Variants in CHD1 observed in about 807,000 individuals in gnomAD.
CHD1 encodes ATP-dependent chromatin remodeler CHD1.
Under a neutral mutation model 224.2 loss-of-function variants are expected in CHD1, and 36 were observed. The ratio of observed to expected loss-of-function variants is 0.16; its 90% CI spans 0.12 to 0.21. The LOEUF is 0.21. CHD1 is among the 10% of genes least tolerant of loss of function. CHD1 has a pLI of 1.00. For missense variants in CHD1, 1,378 were observed against 1,994.8 expected (o/e 0.69, Z 5.89); for synonymous variants, 668 against 658.3 (o/e 1.01, Z -0.23).
intron 19 of CHD1, among the ~76,000 whole-genome samples, chr5:98,882,506 T>C (rs2112403186): frequency 6.6e-6 from 1 of 152,200 alleles, no homozygotes. Context: ...TGCAAAATTC[T>C]ATGAACTACT....
intron 2 of CHD1, among the ~76,000 whole-genome samples, chr5:98,911,146 A>AT (rs1554081078): frequency 0.03 from 1,153 of 38,908 alleles, 17 homozygotes; most frequent in South Asian, 0.053. Context: ...AAAAAAAAAA[A>AT]ATATATATAT....
intron 2 of CHD1, among the ~76,000 whole-genome samples, chr5:98,907,180 C>T (rs934342140): frequency 6.6e-6 from 1 of 152,050 alleles, no homozygotes; most frequent in African/African-American, 2.4e-5. Context: ...AGCAACAGCC[C>T]GAGGCTATGC....
At chr5:98,917,304 A>AAAAAAAAAAAAAAC (rs1488107797) in intron 2 of CHD1, among the ~76,000 whole-genome samples, 13 of 150,942 alleles carry the variant, frequency 8.6e-5, no homozygotes, top group Non-Finnish European at 1.8e-4. Flanking sequence ...AGAAACAAAA[A>AAAAAAAAAAAAAAC]AAAAAAACAA....
chr5:98,928,087 G>A (rs1264919620), intron 1 of CHD1, among the ~76,000 whole-genome samples: 2 of 151,962 alleles, frequency 1.3e-5, no homozygotes, highest in African/African-American at 2.4e-5. Context: ...CCCTCTCCCA[G>A]GGCCTCCATC....
chr5:98,885,756 A>T lies in CHD1; in HGVS notation c.2497-107T>A. The T allele has an allele frequency of 2.9e-6, 2 of 689,816 alleles. 1 individual carries two copies. Among genetic ancestry groups the T allele is most frequent in the Middle Eastern group, 7.3e-4 (2 of 2,724 alleles). The allele number at this position is 689,816 out of a possible 1,614,324, so 42.7% of individuals were successfully genotyped here. Reference sequence around the variant, plus strand: ...GAAATGTGAAGCATGTCCTTTGCTAAAACTATAATAGAAAGTACTTACTAG... The same window carrying T: ...GAAATGTGAAGCATGTCCTTTGCTATAACTATAATAGAAAGTACTTACTAG... On this transcript the variant is annotated intron_variant, in intron 17 of 35. Coordinates refer to ENST00000614616, the MANE Select transcript of CHD1 (RefSeq NM_001270.4).
At chr5:98,873,050 ACTCCTGGGTTCAAG>A (rs1165827906) in intron 26 of CHD1, among the ~76,000 whole-genome samples, 1 of 151,904 alleles carries the variant, frequency 6.6e-6, no homozygotes, top group African/African-American at 2.4e-5. Context: ...CTGGTCTCAA[ACTCCTGGGTTCAAG>A]CTAAACTCCC....
chr5:98,859,891 T>C, intron 33 of CHD1, 81 bp downstream of exon 33: 1 of 690,744 alleles, frequency 1.4e-6, no homozygotes, highest in Non-Finnish European at 2.4e-6. Context: ...TCTGTATTTA[T>C]TAATCAAACT....
At chr5:98,893,762 CATAAGTAACTCAGCACATATTCCTTCT>C (rs1561519721) in intron 13 of CHD1, among the ~76,000 whole-genome samples, 156 bp from the exon 14 acceptor site, 1 of 152,040 alleles carries the variant, frequency 6.6e-6, no homozygotes. Context: ...GATTACAATA[CATAAGTAACTCAGCACATATTCCTTCT>C]ATGACAAATT....
chr5:98,887,950 A>G (rs1432953196), intron 17 of CHD1, 138 bp downstream of exon 17: 1 of 466,000 alleles, frequency 2.1e-6, no homozygotes, highest in East Asian at 3.6e-5. Flanking sequence ...ATATTTTTTA[A>G]AGCAGATACA....
chr5:98,858,471 C>T (rs956394154), intron 34 of CHD1, 81 bp from the exon 35 acceptor site: 24 of 1,149,756 alleles, frequency 2.1e-5, no homozygotes, highest in African/African-American at 1.1e-4. Flanking sequence ...AACAAGAATT[C>T]GTTTCAACCC....
intron 21 of CHD1, 53 bp downstream of exon 21, chr5:98,881,226 T>A: frequency 7.6e-7 from 1 of 1,322,128 alleles, no homozygotes; most frequent in Non-Finnish European, 1.0e-6. Flanking sequence ...TCCTGTCAAA[T>A]ATATGACACA....
At chr5:98,909,992 A>G (rs1164853661) in intron 2 of CHD1, among the ~76,000 whole-genome samples, 1 of 152,134 alleles carries the variant, frequency 6.6e-6, no homozygotes. Context: ...CTGAGGCTAT[A>G]ACCCAGCCAT....
chr5:98,916,289 T>C (rs1162253591), intron 2 of CHD1, among the ~76,000 whole-genome samples: 1 of 152,020 alleles, frequency 6.6e-6, no homozygotes, highest in Non-Finnish European at 1.5e-5. Flanking sequence ...CCCACACCTG[T>C]AATCCCAGCA....
At chr5:98,891,452 A>C (rs913208845) in intron 15 of CHD1, among the ~76,000 whole-genome samples, 3 of 152,182 alleles carry the variant, frequency 2.0e-5, no homozygotes, top group African/African-American at 7.2e-5. Flanking sequence ...AATCTGCTTC[A>C]AAAGGACAGG....
In CHD1 at chr5:98,855,126, G is replaced by C; in HGVS notation, c.*1254C>G. ...TGGCAGCAAAATGTTACTTAAAAAC[G>C]GGGGTAGGGGGCGGTGGTGGTGGTG... is the stretch of plus-strand genomic sequence containing the variant. On this transcript the variant is annotated 3_prime_UTR_variant, in exon 36 of 36. Coordinates refer to ENST00000614616, the MANE Select transcript of CHD1 (RefSeq NM_001270.4). 6.6e-6 allele frequency: 1 copy of C among 152,598 alleles called. No individual in the cohort carries two copies. The highest frequency in any genetic ancestry group is 1.9e-4 in the East Asian group (1 of 5,184). The allele number at this position is 152,598 out of a possible 1,614,324, so 9.5% of individuals were successfully genotyped here. A position where few individuals can be genotyped will look rare whatever the true frequency, so the allele number is the denominator to read the frequency against.
intron 2 of CHD1, among the ~76,000 whole-genome samples, chr5:98,915,623 AT>A (rs1442129434): frequency 1.3e-5 from 2 of 152,202 alleles, no homozygotes; most frequent in Non-Finnish European, 2.9e-5. Flanking sequence ...AAAATCTCTA[AT>A]TCTCTAATTT....
In CHD1 at chr5:98,872,286, T is replaced by G. The variant is rs1580381822; in HGVS notation, c.3711-85A>C. The stretch of plus-strand genomic sequence containing the variant: ...TTTGAAAAACGTGAGTCATTAGAAC[T>G]TCAAAATAATATGCTTTATTTCTTC... On this transcript the variant is annotated intron_variant, in intron 27 of 35. Coordinates refer to ENST00000614616, the MANE Select transcript of CHD1 (RefSeq NM_001270.4). 3 of 1,487,474 alleles carry G rather than the reference T, an allele frequency of 2.0e-6. No individual in the cohort carries two copies. In the East Asian group the frequency reaches 6.8e-5, roughly 34 times the overall value. 92.1% of individuals were successfully genotyped at this position (1,487,474 alleles called of 1,614,324 possible).
rs1276115947 is a variant in CHD1, at chr5:98,872,453, T to C, written c.3674A>G (p.His1225Arg). The change falls in exon 27 of 36, where the codon CAC (histidine) becomes CGC (arginine). Residue 1225 changes from histidine to arginine, a missense_variant. His to Arg is a conservative substitution (Grantham distance 29). Around this residue, in one of 16 missense-constraint regions of CHD1, gnomAD observed 286 missense variants for 445.1 expected, o/e 0.64. Transcript: ENST00000614616. ...TTCTGGATCAGAAGGAATGGATTTGTGCAAAGGTATTAATTCTTCTTCATG... is the reference window on the plus strand; with the variant it reads ...TTCTGGATCAGAAGGAATGGATTTGCGCAAAGGTATTAATTCTTCTTCATG... ...ISHEEELIPL[H>R]KSIPSDPEER... The C allele has an allele frequency of 6.2e-7, 1 of 1,613,626 alleles. No individual in the cohort carries two copies. Among genetic ancestry groups the C allele is most frequent in the Non-Finnish European group, 8.5e-7 (1 of 1,179,786 alleles).
intron 30 of CHD1, 104 bp downstream of exon 30, chr5:98,869,650 A>G: frequency 1.6e-6 from 2 of 1,225,056 alleles, no homozygotes. Context: ...ACACACACAC[A>G]CAGACTTCGG....
Sources: gnomAD v4.1 joint callset for allele counts (sites outside exome capture counted in the v4.1 genomes callset) on GRCh38, gnomAD v4.1.1 for gene constraint, gnomAD v4.1.1 regional missense constraint, MANE v1.5 for transcripts, NCBI Gene and HGNC (gene_info 2026-07-23, HGNC 2026-07-21) for gene names.